The following ANO2 variants were observed in gnomAD, a reference collection of about 807,000 sequenced individuals.
The protein encoded by ANO2 is anoctamin 2, also known as anoctamin-2.
ANO2 carries 101 observed loss-of-function variants against 124.2 expected under a neutral mutation model. The ratio of observed to expected loss-of-function variants is 0.81; its 90% CI spans 0.69 to 0.96. The LOEUF is 0.96. Ranked by LOEUF, ANO2 falls within the 40% of genes least tolerant of loss-of-function variation. ANO2 has a pLI of 0.00. For synonymous variants in ANO2, 486 were observed against 482.5 expected (o/e 1.01, Z -0.09); for missense variants, 1,293 against 1,274.5 (o/e 1.01, Z -0.22).
intron 16 of ANO2, among the ~76,000 whole-genome samples, chr12:5,632,761 T>G (rs1945787930): frequency 6.6e-6 from 1 of 152,192 alleles, no homozygotes; most frequent in Admixed American, 6.5e-5. Context: ...TTGTCTTTCA[T>G]CTTTATCACT....
chr12:5,573,619 G>A (rs920727616), intron 23 of ANO2, among the ~76,000 whole-genome samples: 1 of 143,086 alleles, frequency 7.0e-6, no homozygotes, highest in African/African-American at 2.5e-5. Context: ...CCATGCAGAG[G>A]GGCCCCCAGG....
chr12:5,745,755 A>C (rs1026079648), intron 11 of ANO2, among the ~76,000 whole-genome samples: 1 of 152,128 alleles, frequency 6.6e-6, no homozygotes. Context: ...TCCTCCACTG[A>C]CTCGCTGGCA....
At chr12:5,873,207 CTCTCTCTCT>C (rs1937836056) in intron 3 of ANO2, among the ~76,000 whole-genome samples, 1 of 44,466 alleles carries the variant, frequency 2.2e-5, no homozygotes, top group African/African-American at 6.8e-5. Context: ...CTCTCTCTCT[CTCTCTCTCT>C]CTCTCTCTCT....
chr12:5,803,067 C>T lies in ANO2; in HGVS notation c.990+2985G>A, dbSNP rs191141749. Among the ~76,000 whole-genome samples the T allele has an allele frequency of 3.8e-3, 584 of 152,340 alleles. 6 individuals carry two copies. The highest frequency in any genetic ancestry group is 0.014 in the African/African-American group (574 of 41,572). On this transcript the variant is annotated intron_variant, in intron 9 of 24. Transcript: ENST00000682330. ...CCAGATAACATGAAGGTGTGTGGGACTCATGACCCTCTCTGAGGCCACAAG... is the reference window on the plus strand; with the variant it reads ...CCAGATAACATGAAGGTGTGTGGGATTCATGACCCTCTCTGAGGCCACAAG...
Position 5,755,804 on chromosome 12 carries a change from A to T in ANO2, c.1056-4834T>A, listed in dbSNP as rs779215358. On this transcript the variant is annotated intron_variant, in intron 10 of 24. Transcript: ENST00000682330. Reference sequence around the variant, plus strand: ...CCACATTTTCTTAATCCAGTCCATCAAATTCAATTTTAAGGTGACTCAGTG... The same window carrying T: ...CCACATTTTCTTAATCCAGTCCATCTAATTCAATTTTAAGGTGACTCAGTG... Among the ~76,000 whole-genome samples, 119 of 152,304 alleles carry T rather than the reference A, an allele frequency of 7.8e-4. 1 individual carries two copies. The highest frequency in any genetic ancestry group is 3.4e-3 in the Middle Eastern group (1 of 294).
intron 14 of ANO2, among the ~76,000 whole-genome samples, chr12:5,653,611 C>T (rs768524708): frequency 1.1e-4 from 16 of 152,154 alleles, no homozygotes; most frequent in Non-Finnish European, 2.2e-4. Flanking sequence ...TGTTTCTATA[C>T]AGGAAGCATA....
chr12:5,939,337 T>G (rs1313776745), intron 1 of ANO2, among the ~76,000 whole-genome samples: 2 of 152,002 alleles, frequency 1.3e-5, no homozygotes, highest in African/African-American at 4.8e-5. Flanking sequence ...AGTTTCTCCC[T>G]GCTCTTCTTT....
At chr12:5,939,797 ATAAC>A (rs1942821255) in intron 1 of ANO2, among the ~76,000 whole-genome samples, 1 of 152,222 alleles carries the variant, frequency 6.6e-6, no homozygotes, top group Non-Finnish European at 1.5e-5. Context: ...ATTCAGTGTC[ATAAC>A]TAACTGTAAG....
rs367585838 is a variant in ANO2, at chr12:5,648,831, T to A, written c.1546-1030A>T. The stretch of plus-strand genomic sequence containing the variant: ...GGAGTACTTCTGCAAGGTGTCTGAA[T>A]GGGGCTCAGCGGTGAGCGCTCCAGG... On this transcript the variant is annotated intron_variant, in intron 14 of 24. Coordinates refer to ENST00000682330, the MANE Select transcript of ANO2 (RefSeq NM_001364791.2). Among the ~76,000 whole-genome samples, 34 of 152,334 alleles carry A rather than the reference T, an allele frequency of 2.2e-4. 2 individuals carry two copies. In the East Asian group the frequency reaches 3.5e-3, roughly 16 times the overall value.
At chr12:5,780,234 C>T (rs1952349329) in intron 10 of ANO2, among the ~76,000 whole-genome samples, 1 of 152,114 alleles carries the variant, frequency 6.6e-6, no homozygotes, top group South Asian at 2.1e-4. Flanking sequence ...TATTCATATG[C>T]ATCAGAAGAG....
At chr12:5,921,403 G>T (rs73047671) in intron 2 of ANO2, 37 bp from the exon 3 acceptor site, 1 of 1,588,390 alleles carries the variant, frequency 6.3e-7, no homozygotes, top group Non-Finnish European at 8.6e-7. Context: ...GCAAGGTCTG[G>T]TGAGTAAGGG....
chr12:5,785,094 T>A (rs948219647), intron 10 of ANO2, among the ~76,000 whole-genome samples: 1 of 152,082 alleles, frequency 6.6e-6, no homozygotes, highest in African/African-American at 2.4e-5. Context: ...ATAAATACCA[T>A]CTATCACTTT....
chr12:5,685,919 A>C (rs1377941180), intron 14 of ANO2, among the ~76,000 whole-genome samples: 1 of 152,222 alleles, frequency 6.6e-6, no homozygotes, highest in Non-Finnish European at 1.5e-5. Context: ...ATCTGCCCAC[A>C]GAGGGCTGGC....
chr12:5,576,126 G>A, intron 22 of ANO2, 111 bp from the exon 23 acceptor site: 1 of 1,136,974 alleles, frequency 8.8e-7, no homozygotes, highest in South Asian at 2.0e-5. Flanking sequence ...AGAAGCTCAT[G>A]CAGCATGATC....
intron 10 of ANO2, among the ~76,000 whole-genome samples, chr12:5,770,260 G>A (rs923859441): frequency 1.3e-5 from 2 of 152,148 alleles, no homozygotes; most frequent in Admixed American, 1.3e-4. Flanking sequence ...TTCACGGGAT[G>A]GGAACCACAG....
At chr12:5,640,254 T>C (rs1008798543) in intron 15 of ANO2, among the ~76,000 whole-genome samples, 27 of 152,212 alleles carry the variant, frequency 1.8e-4, no homozygotes, top group African/African-American at 6.3e-4. Flanking sequence ...TCTGCCTAGG[T>C]TCAAGCACAG....
chr12:5,874,818 C>T (rs1428439622), intron 3 of ANO2, among the ~76,000 whole-genome samples: 1 of 152,150 alleles, frequency 6.6e-6, no homozygotes, highest in Non-Finnish European at 1.5e-5. Context: ...ACCTGCCGAC[C>T]CATCATCAAG....
chr12:5,608,590 C>G (rs1295687011), intron 19 of ANO2: 1 of 152,096 alleles, frequency 6.6e-6, no homozygotes, highest in Non-Finnish European at 1.5e-5. Flanking sequence ...CCATATTCAT[C>G]AAGAGATGAG....
At position 5,658,977 on chromosome 12, in the gene ANO2, C is replaced by A. The variant is rs1382749977; in HGVS notation, c.1546-11176G>T. Among the ~76,000 whole-genome samples, 1 of 152,134 alleles carries A rather than the reference C, an allele frequency of 6.6e-6. No individual in the cohort carries two copies. Among genetic ancestry groups the A allele is most frequent in the Non-Finnish European group, 1.5e-5 (1 of 68,018 alleles). ...TGTGGCCCCAACTGATAAGGAAACC[C>A]AGTTAATTATGGGCAATGTTTTCTA... On this transcript the variant is annotated intron_variant, in intron 14 of 24. Coordinates refer to ENST00000682330, the MANE Select transcript of ANO2 (RefSeq NM_001364791.2). The surrounding 1 kb of genome is among the most constrained non-coding windows in gnomAD (Gnocchi z 4.3).
Sources: allele counts gnomAD v4.1 joint callset (sites outside exome capture counted in the v4.1 genomes callset), GRCh38; gene constraint gnomAD v4.1.1; non-coding constraint Gnocchi (gnomAD v3.1); transcripts MANE v1.5; gene names NCBI Gene and HGNC (gene_info 2026-07-23, HGNC 2026-07-21).